RALGPS2: variants seen among roughly 807,000 people sequenced by gnomAD.
The protein encoded by RALGPS2 is ras-specific guanine nucleotide-releasing factor RalGPS2.
A neutral mutation model predicts 86.8 loss-of-function variants in RALGPS2; 43 were observed. The observed-to-expected ratio is 0.50, with a 90% CI of 0.39 to 0.64. The LOEUF is 0.64. RALGPS2 is among the 30% of genes least tolerant of loss of function. The probability of loss-of-function intolerance (pLI) is 0.00; values close to 1 mark genes in which losing one functional copy is unlikely to be tolerated. For missense variants in RALGPS2, 536 were observed against 694.6 expected, an observed-to-expected ratio of 0.77 and a Z score of 2.57; for synonymous variants, 243 against 231.3, an observed-to-expected ratio of 1.05 and a Z score of -0.46.
chr1:178,901,579 T>C (rs1272714032), intron 17 of RALGPS2, among the ~76,000 whole-genome samples: 1 of 151,918 alleles, frequency 6.6e-6, no homozygotes, highest in Non-Finnish European at 1.5e-5. Flanking sequence ...ATACCCTTCT[T>C]TTTTGAAAAA....
intron 8 of RALGPS2, among the ~76,000 whole-genome samples, chr1:178,839,971 C>T (rs1314260378): frequency 3.0e-4 from 46 of 152,160 alleles, no homozygotes; most frequent in Admixed American, 3.0e-3. Context: ...TATATATGCA[C>T]CCAATACAGG....
At chr1:178,861,183 C>G (rs1338746038) in intron 8 of RALGPS2, among the ~76,000 whole-genome samples, 1 of 152,090 alleles carries the variant, frequency 6.6e-6, no homozygotes, top group Non-Finnish European at 1.5e-5. Context: ...CATTAATGTA[C>G]TAATTAGTAT....
At chr1:178,799,667 G>A (rs1654376842) in intron 4 of RALGPS2, among the ~76,000 whole-genome samples, 1 of 152,158 alleles carries the variant, frequency 6.6e-6, no homozygotes, top group South Asian at 2.1e-4. Flanking sequence ...GCTAATAAGG[G>A]ACTGCCTCGT....
At chr1:178,873,452 T>C (rs2102356288) in intron 8 of RALGPS2, among the ~76,000 whole-genome samples, 1 of 152,308 alleles carries the variant, frequency 6.6e-6, no homozygotes, top group South Asian at 2.1e-4. Context: ...AGATGGATAA[T>C]ACCAATTGTT....
intron 1 of RALGPS2, among the ~76,000 whole-genome samples, chr1:178,760,832 C>G (rs1652202188): frequency 6.6e-6 from 1 of 152,038 alleles, no homozygotes. Context: ...ATATCTATCT[C>G]TTTAGCAAGA....
intron 1 of RALGPS2, among the ~76,000 whole-genome samples, chr1:178,762,794 A>G (rs1475194321): frequency 6.6e-6 from 1 of 152,126 alleles, no homozygotes; most frequent in Non-Finnish European, 1.5e-5. Flanking sequence ...TCCATTCTCT[A>G]GGGTATCTGA....
In RALGPS2 at chr1:178,893,990, G is replaced by A; in HGVS notation, c.1397G>A (p.Arg466Lys). Residue 466 changes from arginine (R) to lysine (K), a missense_variant, in exon 16 of 20, where the codon AGA becomes AAA. Physicochemically the swap from Arg to Lys is conservative, Grantham distance 26 (BLOSUM62 2). Transcript: ENST00000367635. ...GAVTIQGVLR[R>K]KTLLKEGKKP... The stretch of plus-strand genomic sequence containing the variant: ...GTTACTATTCAAGGTGTTCTCAGGA[G>A]AAAAACTTTGTTAAAAGAAGGCAAA... 6.2e-7 allele frequency: 1 copy of A among 1,605,912 alleles called. No individual in the cohort carries two copies. Among genetic ancestry groups the A allele is most frequent in the Non-Finnish European group, 8.5e-7 (1 of 1,174,998 alleles).
intron 4 of RALGPS2, among the ~76,000 whole-genome samples, chr1:178,789,031 C>T (rs551188508): frequency 6.6e-6 from 1 of 151,984 alleles, no homozygotes; most frequent in Admixed American, 6.6e-5. Flanking sequence ...CTCAGCCTCC[C>T]TAGTAGCTAG....
intron 7 of RALGPS2, among the ~76,000 whole-genome samples, chr1:178,822,323 G>T (rs192532889): frequency 6.6e-6 from 1 of 151,840 alleles, no homozygotes; most frequent in East Asian, 1.9e-4. Flanking sequence ...ATCTTTTCAG[G>T]TAGTTTTCAT....
intron 4 of RALGPS2, among the ~76,000 whole-genome samples, chr1:178,805,105 A>G (rs1420715647): frequency 4.3e-4 from 65 of 151,420 alleles, no homozygotes; most frequent in Admixed American, 5.9e-4. Context: ...CATGTCCTTC[A>G]CCCATTTTTT....
At chr1:178,879,809 A>AT (rs1659160905) in intron 10 of RALGPS2, 1 of 145,374 alleles carries the variant, frequency 6.9e-6, no homozygotes, top group African/African-American at 2.6e-5. Flanking sequence ...AAAAAAAAAA[A>AT]GATTGTTTGA....
At chr1:178,793,258 TAAAG>T (rs1654044175) in intron 4 of RALGPS2, among the ~76,000 whole-genome samples, 1 of 152,134 alleles carries the variant, frequency 6.6e-6, no homozygotes, top group South Asian at 2.1e-4. Flanking sequence ...TAAATCTAAA[TAAAG>T]GGTATTTAGA....
chr1:178,878,962 T>C lies in RALGPS2; in HGVS notation c.806T>C (p.Leu269Pro). Residue 269 changes from leucine (L) to proline (P), a missense_variant, in exon 10 of 20, where the codon CTA (leucine) becomes CCA (proline). Physicochemically the swap from Leu to Pro is moderately conservative, Grantham distance 98 (BLOSUM62 -3). Around this residue, in one of 3 missense-constraint regions of RALGPS2, gnomAD observed 184 missense variants for 296.7 expected, o/e 0.62. Coordinates refer to ENST00000367635, the MANE Select transcript of RALGPS2 (RefSeq NM_152663.5). Reference sequence around the variant, plus strand: ...AACTCTGTTCAGTATATAGAAGAACTACAAAAATTTGTGGAAGACGATAAT... The same window carrying C: ...AACTCTGTTCAGTATATAGAAGAACCACAAAAATTTGTGGAAGACGATAAT... ...YLNSVQYIEE[L>P]QKFVEDDNYK... 6.2e-7 allele frequency: 1 copy of C among 1,612,596 alleles called. No individual in the cohort carries two copies. Among genetic ancestry groups the C allele is most frequent in the Non-Finnish European group, 8.5e-7 (1 of 1,179,434 alleles).
Position 178,813,875 on chromosome 1 carries a change from A to G in RALGPS2, c.387+2471A>G, listed in dbSNP as rs1655106344. 2.6e-5 allele frequency among the ~76,000 whole-genome samples: 4 copies of G among 152,242 alleles called. 1 individual carries two copies. The highest frequency in any genetic ancestry group is 2.6e-4 in the Admixed American group (4 of 15,290). ...TTAACCGCATCTACAAAATATCTTC[A>G]TGACAACACCTAGATTAGGGTTCGA... On this transcript the variant is annotated intron_variant, in intron 6 of 19. Transcript: ENST00000367635.
At chr1:178,904,258 G>A (rs1360136273) in intron 18 of RALGPS2, among the ~76,000 whole-genome samples, 1 of 152,064 alleles carries the variant, frequency 6.6e-6, no homozygotes, top group Non-Finnish European at 1.5e-5. Context: ...TTAGTCCTTT[G>A]TCAGATGTAT....
chr1:178,784,865 T>A lies in RALGPS2; in HGVS notation c.162+343T>A, dbSNP rs189691104. On this transcript the variant is annotated intron_variant, in intron 3 of 19. Coordinates refer to ENST00000367635, the MANE Select transcript of RALGPS2 (RefSeq NM_152663.5). ...TAAGAAACATTTTCACTGGTTTTTT[T>A]AATTAAAAAATTGAAAAATGAAATA... Among the ~76,000 whole-genome samples the A allele has an allele frequency of 5.4e-3, 816 of 152,214 alleles. 8 individuals carry two copies. Among genetic ancestry groups the A allele is most frequent in the African/African-American group, 0.019 (780 of 41,562 alleles).
rs117069651 is a variant in RALGPS2 at position 178,864,596 on chromosome 1, G to T, written c.608-12902G>T. Among the ~76,000 whole-genome samples the T allele has an allele frequency of 1.1e-4, 17 of 152,242 alleles. No homozygotes were observed. The East Asian group carries it at 2.5e-3, about 22-fold the overall frequency. ...CAGGAAGTAAATAAAAGAATTGTCG[G>T]GTAGCAGCGACGACCTAGCTAGAAG... On this transcript the variant is annotated intron_variant, in intron 8 of 19. Coordinates refer to ENST00000367635, the MANE Select transcript of RALGPS2 (RefSeq NM_152663.5).
At chr1:178,900,214 T>G (rs1406127839) in intron 17 of RALGPS2, among the ~76,000 whole-genome samples, 8 of 151,960 alleles carry the variant, frequency 5.3e-5, no homozygotes, top group Non-Finnish European at 7.4e-5. Context: ...AAAATATACC[T>G]GTTCATGGCA....
At chr1:178,748,174 G>C (rs897741612) in intron 1 of RALGPS2, among the ~76,000 whole-genome samples, 1 of 152,056 alleles carries the variant, frequency 6.6e-6, no homozygotes, top group Non-Finnish European at 1.5e-5. Flanking sequence ...ACAAAAATTA[G>C]CTGGGCATCA....
Sources: allele counts gnomAD v4.1 joint callset (sites outside exome capture counted in the v4.1 genomes callset), GRCh38; gene constraint gnomAD v4.1.1; regional missense constraint gnomAD v4.1.1; transcripts MANE v1.5; gene names NCBI Gene and HGNC (gene_info 2026-07-23, HGNC 2026-07-21).